Variants in AQP7 observed in about 807,000 individuals in gnomAD.
AQP7 encodes the protein aquaporin-7.
Under a neutral mutation model 26.1 loss-of-function variants are expected in AQP7, and 22 were observed. That is an observed-to-expected ratio of 0.84 (90% CI 0.60 to 1.20). AQP7 has a LOEUF of 1.20. Ranked by LOEUF, AQP7 falls within the 50% of genes most tolerant of loss-of-function variation. The probability of loss-of-function intolerance (pLI) is 0.00; values close to 1 mark genes in which losing one functional copy is unlikely to be tolerated. For missense variants in AQP7, 412 were observed against 457.5 expected (o/e 0.90, Z 0.91); for synonymous variants, 167 against 181.7 (o/e 0.92, Z 0.65).
At position 33,386,979 on chromosome 9, in the gene AQP7, G is replaced by A. The variant is rs1365522563; in HGVS notation, c.258C>T (p.Gly86=). Residue 86 remains glycine (G), a synonymous_variant, in exon 4 of 8, where the codon GGC becomes GGT. Coordinates refer to ENST00000297988, the MANE Select transcript of AQP7 (RefSeq NM_001170.3). The part of the protein sequence containing the change: ...FGVTMGVHVA[G]RISGAHMNAA... ...CCTGGGCTCACTCACCAGAGATGCG[G>A]CCTGCCACGTGCACTCCCATGGTGA... 6 of 1,611,970 alleles carry A rather than the reference G, an allele frequency of 3.7e-6. No individual in the cohort carries two copies. Among genetic ancestry groups the A allele is most frequent in the African/African-American group, 1.3e-5 (1 of 74,984 alleles).
At chr9:33,397,169 T>C (rs950281490) in intron 2 of AQP7, among the ~76,000 whole-genome samples, 5 of 151,508 alleles carry the variant, frequency 3.3e-5, no homozygotes, top group Non-Finnish European at 7.4e-5. Context: ...GCTGGGATCA[T>C]ACCAGTTTCC....
At chr9:33,396,289 T>G (rs1272533929) in intron 2 of AQP7, among the ~76,000 whole-genome samples, 1 of 151,826 alleles carries the variant, frequency 6.6e-6, no homozygotes, top group East Asian at 1.9e-4. Context: ...AAATACAAAA[T>G]TAGCCAGGCA....
At chr9:33,387,873 C>T (rs532207862) in intron 3 of AQP7, among the ~76,000 whole-genome samples, 173 of 152,288 alleles carry the variant, frequency 1.1e-3, no homozygotes, top group African/African-American at 4.0e-3. Context: ...AACTGTCCCA[C>T]CCCTGCCCAG....
At chr9:33,397,092 C>A (rs1395766987) in intron 2 of AQP7, among the ~76,000 whole-genome samples, 5 of 142,624 alleles carry the variant, frequency 3.5e-5, no homozygotes, top group Admixed American at 2.9e-4. Context: ...CAGAGTGACA[C>A]CCTGTCTCAA....
At chr9:33,387,771 T>C (rs1284183642) in intron 3 of AQP7, among the ~76,000 whole-genome samples, 9 of 152,020 alleles carry the variant, frequency 5.9e-5, no homozygotes, top group South Asian at 4.2e-4. Context: ...TCCTGTGCTA[T>C]CCTCTCCCTC....
chr9:33,400,919 T>C, intron 2 of AQP7: 1 of 396,746 alleles, frequency 2.5e-6, no homozygotes, highest in East Asian at 4.1e-5. Flanking sequence ...TTGCAAGGAC[T>C]GGCTCTTGTT....
chr9:33,393,082 G>C (rs1281490734), intron 3 of AQP7, among the ~76,000 whole-genome samples: 1 of 152,106 alleles, frequency 6.6e-6, no homozygotes, highest in East Asian at 1.9e-4. Context: ...AGAAAAATTA[G>C]CTGAGCACAC....
At chr9:33,400,890 C>T in intron 2 of AQP7, 1 of 301,556 alleles carries the variant, frequency 3.3e-6, no homozygotes, top group South Asian at 7.8e-5. Flanking sequence ...AGAAAGCTAA[C>T]AAGGCTGGGC....
intron 3 of AQP7, among the ~76,000 whole-genome samples, chr9:33,389,394 C>T (rs55984608): frequency 2.6e-5 from 4 of 152,100 alleles, no homozygotes; most frequent in Admixed American, 6.6e-5. Context: ...GGGCTGGTCT[C>T]GAGCTCCTGG....
At chr9:33,396,766 C>T (rs557977486) in intron 2 of AQP7, among the ~76,000 whole-genome samples, 1 of 149,824 alleles carries the variant, frequency 6.7e-6, no homozygotes, top group East Asian at 2.0e-4. Context: ...CCCACGGTGC[C>T]CACTCTTTCA....
Position 33,388,860 on chromosome 9 carries a change from G to A in AQP7, c.145-1768C>T, listed in dbSNP as rs1014727991. ...GCTTTCTTGTGCCACTGTTTTGTTT[G>A]TTTGTTTGATGTTTGAGACAGGGTT... On this transcript the variant is annotated intron_variant, in intron 3 of 7. Coordinates refer to ENST00000297988, the MANE Select transcript of AQP7 (RefSeq NM_001170.3). 4.6e-4 allele frequency among the ~76,000 whole-genome samples: 70 copies of A among 152,236 alleles called. 1 individual carries two copies. The highest frequency in any genetic ancestry group is 1.6e-3 in the African/African-American group (66 of 41,538).
chr9:33,385,245 C>G lies in AQP7; in HGVS notation c.789G>C (p.Leu263=). The G allele has an allele frequency of 4.3e-6, 7 of 1,611,740 alleles. No individual in the cohort carries two copies. The South Asian group carries it at 4.4e-5, about 10-fold the overall frequency. ...WWWVPVVAPL[L]GAYLGGIIYL... The stretch of plus-strand genomic sequence containing the variant: ...AGATGATGCCACCTAGATAGGCACC[C>G]AGAAGTGGTGCCACCACTGGCACCC... Residue 263 remains leucine, a synonymous_variant, in exon 8 of 8, where the codon CTG becomes CTC. Transcript: ENST00000297988.
At chr9:33,387,162 A>G in intron 3 of AQP7, 70 bp from the exon 4 acceptor site, 1 of 1,494,946 alleles carries the variant, frequency 6.7e-7, no homozygotes, top group Non-Finnish European at 9.2e-7. Context: ...CTCAGAGCTC[A>G]GTTCTAGCTC....
At position 33,384,467 on chromosome 9, in the gene AQP7, A is replaced by C. The variant is rs1207983861; in HGVS notation, c.*538T>G. ...AGATATATAGTACATCTGTGGTATT[A>C]AAATTTCATGTGATTAAGAAAAAAA... On this transcript the variant is annotated 3_prime_UTR_variant, in exon 8 of 8. Coordinates refer to ENST00000297988, the MANE Select transcript of AQP7 (RefSeq NM_001170.3). 6.6e-6 allele frequency: 1 copy of C among 152,168 alleles called. No homozygotes were observed. The highest frequency in any genetic ancestry group is 1.5e-5 in the Non-Finnish European group (1 of 68,246). The allele number at this position is 152,168 out of a possible 1,614,324, so 9.4% of individuals were successfully genotyped here.
chr9:33,398,256 C>T (rs1019582032), intron 2 of AQP7, among the ~76,000 whole-genome samples: 9 of 151,372 alleles, frequency 5.9e-5, no homozygotes, highest in Admixed American at 2.0e-4. Flanking sequence ...GGGCTGGCCA[C>T]GGAGGAGTGG....
intron 3 of AQP7, among the ~76,000 whole-genome samples, chr9:33,391,725 C>T (rs898578114): frequency 2.1e-4 from 32 of 152,142 alleles, no homozygotes; most frequent in Non-Finnish European, 4.0e-4. Flanking sequence ...AACAAAAAGC[C>T]CTCACTTCTT....
At chr9:33,395,440 G>A in intron 2 of AQP7, 1 of 507,666 alleles carries the variant, frequency 2.0e-6, no homozygotes, top group South Asian at 2.6e-5. Flanking sequence ...CAGTAAAAAT[G>A]GCACACCAAT....
Sources: gnomAD v4.1 joint callset for allele counts (sites outside exome capture counted in the v4.1 genomes callset) on GRCh38, gnomAD v4.1.1 for gene constraint, MANE v1.5 for transcripts, NCBI Gene and HGNC (gene_info 2026-07-23, HGNC 2026-07-21) for gene names.